The following ITGA11 variants were observed in gnomAD, a reference collection of about 807,000 sequenced individuals.
The protein encoded by ITGA11 is integrin subunit alpha 11.
ITGA11 carries 97 observed loss-of-function variants against 141.9 expected under a neutral mutation model. That is an observed-to-expected ratio of 0.68 (90% confidence interval 0.58 to 0.81). The LOEUF (loss-of-function observed/expected upper bound fraction) is 0.81. ITGA11 is among the 30% of genes least tolerant of loss of function. The pLI, the probability that ITGA11 is intolerant of heterozygous loss-of-function variation, is 0.00. For missense variants in ITGA11, 1,387 were observed against 1,559.2 expected (o/e 0.89, Z 1.86); for synonymous variants, 658 against 624.6 (o/e 1.05, Z -0.80).
rs188663266 is a variant in ITGA11 at position 68,320,162 on chromosome 15, T to C, written c.2616+23A>G. On this transcript the variant is annotated intron_variant, in intron 20 of 29. Transcript: ENST00000315757. ...TCCTCTGTGCCAGGCAGAGGCAGTC[T>C]GGGCAGGTCGCTGAGGTCTTACCTT... is the stretch of plus-strand genomic sequence containing the variant. 6.8e-4 allele frequency: 1,095 copies of C among 1,609,640 alleles called. 1 individual carries two copies. The highest frequency in any genetic ancestry group is 8.8e-4 in the Non-Finnish European group (1,033 of 1,176,120).
rs938422777 is a variant in ITGA11 at position 68,325,912 on chromosome 15, A to T, written c.2212-671T>A. Among the ~76,000 whole-genome samples, 23 of 152,230 alleles carry T rather than the reference A, an allele frequency of 1.5e-4. No individual in the cohort carries two copies. The highest frequency in any genetic ancestry group is 4.8e-4 in the African/African-American group (20 of 41,466). ...CAGAGTCCCCTGGGAGCTTGTTAAA[A>T]CACAGGGTGCTGGCGCCAGCCCCAG... On this transcript the variant is annotated intron_variant, in intron 17 of 29. Transcript: ENST00000315757. The surrounding 1 kb of genome is among the most constrained non-coding windows in gnomAD (Gnocchi z 5.5).
At chr15:68,359,471 C>T (rs1346567648) in intron 5 of ITGA11, among the ~76,000 whole-genome samples, 1 of 152,144 alleles carries the variant, frequency 6.6e-6, no homozygotes, top group Non-Finnish European at 1.5e-5. Flanking sequence ...CATGGCGAAA[C>T]CCCGTCTCTA....
chr15:68,422,145 G>A (rs1208961638), intron 1 of ITGA11, among the ~76,000 whole-genome samples: 1 of 152,170 alleles, frequency 6.6e-6, no homozygotes, highest in Non-Finnish European at 1.5e-5. Context: ...TCTCACTCAG[G>A]CCCGCACCAC....
Position 68,333,106 on chromosome 15 carries a change from C to CATT in ITGA11, c.1426-629_1426-628insAAT, listed in dbSNP as rs1555447804. 6.7e-6 allele frequency among the ~76,000 whole-genome samples: 1 copy of CATT among 148,868 alleles called. No individual in the cohort carries two copies. The highest frequency in any genetic ancestry group is 1.5e-5 in the Non-Finnish European group (1 of 67,280). On this transcript the variant is annotated intron_variant, in intron 12 of 29. Transcript: ENST00000315757. The surrounding 1 kb of genome is among the most constrained non-coding windows in gnomAD (Gnocchi z 4.2). ...TAATCAGTTATTGCTGGACGGTTAGCTTTTTTTTTTTGAGGCAAGGTTTTG... is the reference window on the plus strand; with the variant it reads ...TAATCAGTTATTGCTGGACGGTTAGCATTTTTTTTTTTTTGAGGCAAGGTTTTG...
Position 68,320,239 on chromosome 15 carries a change from C to A in ITGA11, c.2562G>T (p.Thr854=). 1 of 1,614,040 alleles carries A rather than the reference C, an allele frequency of 6.2e-7. No homozygotes were observed. The highest frequency in any genetic ancestry group is 8.5e-7 in the Non-Finnish European group (1 of 1,179,908). ...LENRGENAYS[T]VLNISQSANL... ...TTGCTGACTGCGAGATATTTAGGACCGTGCTGTAGGCGTTCTCGCCCCTGT... is the reference window on the plus strand; with the variant it reads ...TTGCTGACTGCGAGATATTTAGGACAGTGCTGTAGGCGTTCTCGCCCCTGT... Residue 854 remains threonine (T), a synonymous_variant, in exon 20 of 30, where the codon ACG becomes ACT. Coordinates refer to ENST00000315757, the MANE Select transcript of ITGA11 (RefSeq NM_001004439.2).
At chr15:68,400,509 A>G (rs1038721007) in intron 2 of ITGA11, among the ~76,000 whole-genome samples, 2 of 133,538 alleles carry the variant, frequency 1.5e-5, no homozygotes, top group Admixed American at 9.6e-5. Flanking sequence ...AGATATTTGC[A>G]ATGCTTCTAT....
chr15:68,411,477 G>T (rs746587839), intron 1 of ITGA11, among the ~76,000 whole-genome samples: 8 of 152,176 alleles, frequency 5.3e-5, no homozygotes, highest in Non-Finnish European at 1.2e-4. Context: ...GAAGGACAGA[G>T]CCAGAGTCCC....
rs1567140505 is a variant in ITGA11, at chr15:68,351,382, C to T, written c.770G>A (p.Gly257Asp). Residue 257 changes from glycine (G) to aspartate (D), a missense_variant, in exon 8 of 30, where the codon GGT becomes GAT. Gly to Asp is a moderately conservative substitution (Grantham distance 94, BLOSUM62 -1). Transcript: ENST00000315757. ...EFARSEAFQK[G>D]GRKGAKKVMI... ...CACCTTCTTGGCTCCTTTCCTTCCA[C>T]CCTTCTGGAAAGCCTCTGAGCTGGA... The T allele has an allele frequency of 1.2e-6, 2 of 1,613,838 alleles. No homozygotes were observed. The highest frequency in any genetic ancestry group is 1.3e-5 in the African/African-American group (1 of 74,936).
chr15:68,369,146 G>A lies in ITGA11; in HGVS notation c.265+38C>T, dbSNP rs574127106. ...AGAGCCTGCCTTGTGTTAGACAACCGCTGGCCTCATTGTGAAGAGACCACC... is the reference window on the plus strand; with the variant it reads ...AGAGCCTGCCTTGTGTTAGACAACCACTGGCCTCATTGTGAAGAGACCACC... On this transcript the variant is annotated intron_variant, in intron 3 of 29. Coordinates refer to ENST00000315757, the MANE Select transcript of ITGA11 (RefSeq NM_001004439.2). The A allele has an allele frequency of 1.9e-5, 27 of 1,457,822 alleles. No individual in the cohort carries two copies. The Middle Eastern group carries it at 1.0e-3, about 56-fold the overall frequency. The allele number at this position is 1,457,822 out of a possible 1,614,324, so 90.3% of individuals were successfully genotyped here. A position where few individuals can be genotyped will look rare whatever the true frequency, so the allele number is the denominator to read the frequency against.
At chr15:68,336,684 G>A (rs962938727) in intron 11 of ITGA11, among the ~76,000 whole-genome samples, 3 of 152,196 alleles carry the variant, frequency 2.0e-5, no homozygotes, top group African/African-American at 7.2e-5. Context: ...AGATAATCTT[G>A]GATCCCAGAT....
intron 5 of ITGA11, 67 bp downstream of exon 5, chr15:68,361,523 C>G: frequency 9.5e-7 from 1 of 1,054,474 alleles, no homozygotes; most frequent in South Asian, 1.4e-5. Context: ...GGTTGTTGTG[C>G]TCAGGGCCCA....
chr15:68,369,161 A>G, intron 3 of ITGA11, 23 bp downstream of exon 3: 1 of 1,576,970 alleles, frequency 6.3e-7, no homozygotes. Context: ...CCTCATTGTG[A>G]AGAGACCACC....
intron 23 of ITGA11, among the ~76,000 whole-genome samples, chr15:68,313,387 A>T (rs1893459110): frequency 1.3e-5 from 2 of 152,146 alleles, no homozygotes; most frequent in South Asian, 4.1e-4. Flanking sequence ...GACATTGTTT[A>T]GATGTGCTGG....
chr15:68,307,735 C>T lies in ITGA11; in HGVS notation c.3175-39G>A. Reference sequence around the variant, plus strand: ...TGGGTCTCAGGGCTGAGCTGCTGGGCTAGGGGAGCAGGGGGCAGCAACACT... The same window carrying T: ...TGGGTCTCAGGGCTGAGCTGCTGGGTTAGGGGAGCAGGGGGCAGCAACACT... On this transcript the variant is annotated intron_variant, in intron 26 of 29. Coordinates refer to ENST00000315757, the MANE Select transcript of ITGA11 (RefSeq NM_001004439.2). The surrounding 1 kb of genome is among the most constrained non-coding windows in gnomAD (Gnocchi z 6.1). 1 of 1,456,830 alleles carries T rather than the reference C, an allele frequency of 6.9e-7. No individual in the cohort carries two copies. The highest frequency in any genetic ancestry group is 9.6e-7 in the Non-Finnish European group (1 of 1,041,844). 90.2% of individuals were successfully genotyped at this position (1,456,830 alleles called of 1,614,324 possible).
chr15:68,405,366 G>A (rs1896624709), intron 1 of ITGA11, among the ~76,000 whole-genome samples: 1 of 152,120 alleles, frequency 6.6e-6, no homozygotes, highest in Non-Finnish European at 1.5e-5. Flanking sequence ...TCTGGGCTCA[G>A]TAGGCAAGAG....
intron 1 of ITGA11, among the ~76,000 whole-genome samples, chr15:68,418,637 T>C (rs1235324918): frequency 1.4e-5 from 2 of 145,368 alleles, no homozygotes; most frequent in Non-Finnish European, 3.0e-5. Context: ...TTGTAGTTGA[T>C]GTAAATCATG....
chr15:68,416,775 G>C (rs577518842), intron 1 of ITGA11, among the ~76,000 whole-genome samples: 1 of 152,176 alleles, frequency 6.6e-6, no homozygotes, highest in South Asian at 2.1e-4. Context: ...AATTAGCTGG[G>C]CCTAGTGGCA....
At chr15:68,385,068 A>C (rs1895950857) in intron 2 of ITGA11, among the ~76,000 whole-genome samples, 1 of 152,128 alleles carries the variant, frequency 6.6e-6, no homozygotes, top group African/African-American at 2.4e-5. Context: ...ACACTTAAAC[A>C]CCATCTCCTA....
rs1200446463 is a variant in ITGA11, at chr15:68,364,651, C to T, written c.357+56G>A. ...GGGTGTGTAAGGAGACGCTCCACCC[C>T]TCCCCACCCCCACCCCTGCCTCTCC... On this transcript the variant is annotated intron_variant, in intron 4 of 29. Transcript: ENST00000315757. The T allele has an allele frequency of 3.9e-6, 4 of 1,029,864 alleles. No individual in the cohort carries two copies. The African/African-American group carries it at 4.7e-5, about 12-fold the overall frequency. 63.8% of individuals were successfully genotyped at this position (1,029,864 alleles called of 1,614,324 possible).
Sources: gnomAD v4.1 joint callset for allele counts (sites outside exome capture counted in the v4.1 genomes callset) on GRCh38, gnomAD v4.1.1 for gene constraint, Gnocchi (gnomAD v3.1) non-coding constraint, MANE v1.5 for transcripts, NCBI Gene and HGNC (gene_info 2026-07-23, HGNC 2026-07-21) for gene names.